The following RBFOX1 variants were observed in gnomAD, a reference collection of about 807,000 sequenced individuals.
RBFOX1 encodes the protein RNA binding fox-1 homolog 1.
A neutral mutation model predicts 57.7 loss-of-function variants in RBFOX1; 8 were observed. That is an observed-to-expected ratio of 0.14 (90% confidence interval 0.08 to 0.25). The LOEUF is 0.25. Ranked by LOEUF, RBFOX1 falls within the 10% of genes least tolerant of loss-of-function variation. The pLI, the probability that RBFOX1 is intolerant of heterozygous loss-of-function variation, is 1.00. For missense variants in RBFOX1, 611 were observed against 548.5 expected (o/e 1.11, Z -1.14); for synonymous variants, 326 against 222.4 (o/e 1.47, Z -4.15).
chr16:6,977,961 C>A lies in RBFOX1; in HGVS notation c.-15-74096C>A, dbSNP rs561341211. On this transcript the variant is annotated intron_variant, in intron 3 of 15. Coordinates refer to ENST00000550418, the MANE Select transcript of RBFOX1 (RefSeq NM_018723.4). ...GGAAAAAAAAAAAAAAGGCAAACCTCCTTTCCCAATGTGGCTGAATGTGTC... is the reference window on the plus strand; with the variant it reads ...GGAAAAAAAAAAAAAAGGCAAACCTACTTTCCCAATGTGGCTGAATGTGTC... Among the ~76,000 whole-genome samples the A allele has an allele frequency of 1.6e-4, 13 of 82,460 alleles. No individual in the cohort carries two copies. The East Asian group carries it at 4.9e-3, about 31-fold the overall frequency. The allele number at this position is 82,460 out of a possible 152,430, so 54.1% of individuals were successfully genotyped here.
chr16:7,588,842 G>A (rs545322018), intron 7 of RBFOX1, among the ~76,000 whole-genome samples: 12 of 152,054 alleles, frequency 7.9e-5, no homozygotes, highest in Admixed American at 1.3e-4. Flanking sequence ...TAACTAGGAT[G>A]ATGTTGATCA....
chr16:5,650,579 C>G (rs554132998), intron 3 of RBFOX1, among the ~76,000 whole-genome samples: 14 of 152,254 alleles, frequency 9.2e-5, no homozygotes, highest in Admixed American at 7.2e-4. Context: ...TGCTAATCCC[C>G]TGGGAAATGA....
At chr16:6,050,344 T>C (rs1166333652) in intron 1 of RBFOX1, among the ~76,000 whole-genome samples, 2 of 152,210 alleles carry the variant, frequency 1.3e-5, no homozygotes, top group Admixed American at 1.3e-4. Context: ...TTGTTGACCT[T>C]GTTGAAGAAA....
intron 3 of RBFOX1, among the ~76,000 whole-genome samples, chr16:6,976,146 A>G (rs560926429): frequency 7.2e-5 from 11 of 152,198 alleles, no homozygotes; most frequent in African/African-American, 2.6e-4. Context: ...AAAGAAACAA[A>G]CAAAAAAACT....
chr16:7,646,308 C>G (rs369028158), intron 11 of RBFOX1, among the ~76,000 whole-genome samples: 1 of 152,204 alleles, frequency 6.6e-6, no homozygotes, highest in Non-Finnish European at 1.5e-5. Context: ...TATTATGCCA[C>G]TTCTTAATTT....
At chr16:7,038,194 T>C (rs2045103622) in intron 3 of RBFOX1, among the ~76,000 whole-genome samples, 1 of 152,066 alleles carries the variant, frequency 6.6e-6, no homozygotes, top group Non-Finnish European at 1.5e-5. Flanking sequence ...GTAACGATGG[T>C]CCCAGGAGAC....
At chr16:7,628,573 G>C (rs1370892461) in intron 10 of RBFOX1, among the ~76,000 whole-genome samples, 3 of 152,070 alleles carry the variant, frequency 2.0e-5, no homozygotes, top group Admixed American at 6.6e-5. Context: ...AAATACCTGA[G>C]GCGAGGTTAA....
chr16:7,132,937 C>G (rs1435604846), intron 4 of RBFOX1, among the ~76,000 whole-genome samples: 1 of 152,148 alleles, frequency 6.6e-6, no homozygotes, highest in East Asian at 1.9e-4. Flanking sequence ...TACATTTTTT[C>G]ACTTGTGATT....
At chr16:5,419,099 G>A (rs1168258708) in intron 1 of RBFOX1, among the ~76,000 whole-genome samples, 1 of 152,218 alleles carries the variant, frequency 6.6e-6, no homozygotes, top group Non-Finnish European at 1.5e-5. Flanking sequence ...GGTTCTTAGA[G>A]TGTGCCATTG....
intron 2 of RBFOX1, among the ~76,000 whole-genome samples, chr16:6,385,046 C>G (rs981304697): frequency 6.6e-6 from 1 of 152,188 alleles, no homozygotes; most frequent in African/African-American, 2.4e-5. Context: ...TATCTCTCCC[C>G]TCATTAAAGT....
chr16:7,345,250 T>G (rs562996341), intron 4 of RBFOX1, among the ~76,000 whole-genome samples: 80 of 152,208 alleles, frequency 5.3e-4, no homozygotes, highest in African/African-American at 1.9e-3. Context: ...ATTGTTACTG[T>G]GGTGGTGTGT....
chr16:7,375,378 A>C (rs2097666375), intron 4 of RBFOX1, among the ~76,000 whole-genome samples: 1 of 152,256 alleles, frequency 6.6e-6, no homozygotes, highest in Non-Finnish European at 1.5e-5. Context: ...GGTAAATTAA[A>C]ATGGAATATC....
At chr16:5,496,839 G>A (rs1470034122) in intron 2 of RBFOX1, among the ~76,000 whole-genome samples, 3 of 152,132 alleles carry the variant, frequency 2.0e-5, no homozygotes, top group Admixed American at 6.5e-5. Flanking sequence ...CAGCCCAAGC[G>A]CTAATCCATT....
intron 3 of RBFOX1, among the ~76,000 whole-genome samples, chr16:5,695,183 T>G (rs2050809619): frequency 6.6e-6 from 1 of 152,178 alleles, no homozygotes; most frequent in South Asian, 2.1e-4. Flanking sequence ...CACTAAGCAT[T>G]TCAATTTTTA....
intron 2 of RBFOX1, among the ~76,000 whole-genome samples, chr16:6,619,149 C>G (rs984473985): frequency 6.7e-6 from 1 of 149,680 alleles, no homozygotes. Flanking sequence ...AGACCGCTGA[C>G]ATGTTCCAGC....
At chr16:6,723,779 C>G (rs1406308888) in intron 3 of RBFOX1, 3 of 152,002 alleles carry the variant, frequency 2.0e-5, no homozygotes, top group Admixed American at 6.6e-5. Context: ...ATGAGGCTCC[C>G]CTAGACTTCT....
chr16:7,661,605 A>G (rs1433659003), intron 12 of RBFOX1, among the ~76,000 whole-genome samples: 3 of 152,126 alleles, frequency 2.0e-5, no homozygotes, highest in African/African-American at 7.2e-5. Flanking sequence ...CTGTGATTCT[A>G]CAGTTTTATG....
In RBFOX1 at chr16:6,512,242, C is replaced by G. The variant is rs1016703987; in HGVS notation, c.-63-142361C>G. On this transcript the variant is annotated intron_variant, in intron 2 of 15. Coordinates refer to ENST00000550418, the MANE Select transcript of RBFOX1 (RefSeq NM_018723.4). ...GAGGCTGCAGTGAACCATGATCACA[C>G]CACTGCATTCCAGCCTGGGTAACAG... 3.0e-5 allele frequency among the ~76,000 whole-genome samples: 4 copies of G among 134,640 alleles called. No individual in the cohort carries two copies. In the East Asian group the frequency reaches 6.5e-4, roughly 22 times the overall value. 88.3% of individuals were successfully genotyped at this position (134,640 alleles called of 152,430 possible). A position where few individuals can be genotyped will look rare whatever the true frequency, so the allele number is the denominator to read the frequency against.
At chr16:7,273,885 G>A (rs2095389429) in intron 4 of RBFOX1, among the ~76,000 whole-genome samples, 1 of 152,112 alleles carries the variant, frequency 6.6e-6, no homozygotes, top group African/African-American at 2.4e-5. Flanking sequence ...ATACGTAAAT[G>A]TATTATGTAA....
Sources: allele counts gnomAD v4.1 joint callset (sites outside exome capture counted in the v4.1 genomes callset), GRCh38; gene constraint gnomAD v4.1.1; transcripts MANE v1.5; gene names NCBI Gene and HGNC (gene_info 2026-07-23, HGNC 2026-07-21).